Variants in KHDRBS2 observed in about 807,000 individuals in gnomAD.
KHDRBS2 encodes KH RNA binding domain containing, signal transduction associated 2, also known as KH domain-containing, RNA-binding, signal transduction-associated protein 2.
A neutral mutation model predicts 44.3 loss-of-function variants in KHDRBS2; 26 were observed. The observed-to-expected ratio is 0.59, with a 90% CI of 0.43 to 0.81. The LOEUF (loss-of-function observed/expected upper bound fraction) is 0.81. KHDRBS2 is among the 40% of genes least tolerant of loss of function. KHDRBS2 has a pLI of 0.00. For missense variants in KHDRBS2, 476 were observed against 433.1 expected (o/e 1.10, Z -0.88); for synonymous variants, 194 against 151.1 (o/e 1.28, Z -2.08).
intron 4 of KHDRBS2, among the ~76,000 whole-genome samples, chr6:61,932,498 A>T (rs1216774932): frequency 6.6e-6 from 1 of 152,104 alleles, no homozygotes; most frequent in Non-Finnish European, 1.5e-5. Flanking sequence ...TTTAGATTCC[A>T]CGTAAGAGTG....
At chr6:61,954,743 T>C (rs1407011259) in intron 4 of KHDRBS2, among the ~76,000 whole-genome samples, 1 of 111,184 alleles carries the variant, frequency 9.0e-6, no homozygotes, top group Admixed American at 9.0e-5. Flanking sequence ...TACATATGTG[T>C]ATATACACAT....
At chr6:61,924,279 C>T (rs1808567732) in intron 4 of KHDRBS2, among the ~76,000 whole-genome samples, 1 of 152,008 alleles carries the variant, frequency 6.6e-6, no homozygotes, top group Non-Finnish European at 1.5e-5. Context: ...ATGGGGCCTT[C>T]CTGCAACAGT....
intron 6 of KHDRBS2, among the ~76,000 whole-genome samples, chr6:61,810,658 A>G (rs1457244183): frequency 6.6e-6 from 1 of 152,180 alleles, no homozygotes; most frequent in East Asian, 1.9e-4. Flanking sequence ...ACTGCTTATT[A>G]CACATTTAAA....
chr6:61,673,851 A>G, the KHDRBS2 span, among the ~76,000 whole-genome samples: 2 of 146,408 alleles, frequency 1.4e-5, no homozygotes, highest in Non-Finnish European at 3.0e-5. Context: ...CATACTGCCC[A>G]AGGTAATTTA....
chr6:61,730,172 A>G (rs1309703302), intron 7 of KHDRBS2, among the ~76,000 whole-genome samples: 1 of 152,142 alleles, frequency 6.6e-6, no homozygotes, highest in African/African-American at 2.4e-5. Flanking sequence ...CAGAAACTAT[A>G]CTAGTATTGA....
intron 6 of KHDRBS2, among the ~76,000 whole-genome samples, chr6:61,741,952 G>T (rs1323158758): frequency 6.6e-6 from 1 of 151,814 alleles, no homozygotes; most frequent in Non-Finnish European, 1.5e-5. Flanking sequence ...TCTATAAAAG[G>T]TCAGCAGGCA....
chr6:61,952,610 C>T (rs370251026), intron 4 of KHDRBS2, among the ~76,000 whole-genome samples: 24 of 152,110 alleles, frequency 1.6e-4, no homozygotes, highest in African/African-American at 4.8e-4. Flanking sequence ...ATGGATTATC[C>T]TATGACTCAC....
intron 4 of KHDRBS2, among the ~76,000 whole-genome samples, chr6:61,912,244 T>A (rs1189567611): frequency 6.6e-6 from 1 of 151,960 alleles, no homozygotes; most frequent in Non-Finnish European, 1.5e-5. Context: ...AAAAAATACA[T>A]CAAAAAGATG....
At chr6:62,137,531 T>C (rs1410740438) in intron 2 of KHDRBS2, among the ~76,000 whole-genome samples, 1 of 152,214 alleles carries the variant, frequency 6.6e-6, no homozygotes, top group Non-Finnish European at 1.5e-5. Context: ...TTGCAAGATT[T>C]ACATTAAGTG....
chr6:61,762,449 C>T (rs1285178601), intron 6 of KHDRBS2, among the ~76,000 whole-genome samples: 2 of 152,140 alleles, frequency 1.3e-5, no homozygotes, highest in Non-Finnish European at 2.9e-5. Context: ...GGGCAGATTC[C>T]TCATGAATGG....
At chr6:61,688,235 G>A (rs563997519) in intron 8 of KHDRBS2, among the ~76,000 whole-genome samples, 15 of 151,724 alleles carry the variant, frequency 9.9e-5, no homozygotes, top group Non-Finnish European at 2.1e-4. Flanking sequence ...AAATAAAAAG[G>A]AGACAAAGAA....
At chr6:61,700,653 GATGT>G (rs1768507010) in intron 7 of KHDRBS2, among the ~76,000 whole-genome samples, 1 of 151,484 alleles carries the variant, frequency 6.6e-6, no homozygotes, top group South Asian at 2.1e-4. Context: ...GGACACATGG[GATGT>G]GTGCAGAGAT....
At chr6:61,664,155 A>G in the KHDRBS2 span, among the ~76,000 whole-genome samples, 1 of 151,802 alleles carries the variant, frequency 6.6e-6, no homozygotes, top group East Asian at 2.0e-4. Context: ...CTTTTCTTAT[A>G]TAAAAGCTAG....
At chr6:61,862,242 C>G (rs1161583676) in intron 6 of KHDRBS2, among the ~76,000 whole-genome samples, 1 of 151,786 alleles carries the variant, frequency 6.6e-6, no homozygotes, top group Non-Finnish European at 1.5e-5. Flanking sequence ...TCGACTTCCT[C>G]TAATCTTATT....
chr6:61,864,955 G>A (rs1797564227), intron 6 of KHDRBS2, among the ~76,000 whole-genome samples: 1 of 152,118 alleles, frequency 6.6e-6, no homozygotes, highest in African/African-American at 2.4e-5. Flanking sequence ...TTATTTCTAA[G>A]AGGTTTTGTT....
At chr6:62,194,392 G>T (rs1825212560) in intron 1 of KHDRBS2, among the ~76,000 whole-genome samples, 2 of 149,454 alleles carry the variant, frequency 1.3e-5, no homozygotes, top group Non-Finnish European at 3.0e-5. Flanking sequence ...ATGTGTGAGG[G>T]TCTATTTCTG....
chr6:62,024,697 TG>T (rs573776713), intron 3 of KHDRBS2, among the ~76,000 whole-genome samples: 214 of 151,776 alleles, frequency 1.4e-3, no homozygotes, highest in African/African-American at 4.8e-3. Context: ...TGTCTTGAAT[TG>T]TTTGTCAAGG....
At chr6:62,161,574 G>GGGGGGGC (rs1817646589) in intron 2 of KHDRBS2, among the ~76,000 whole-genome samples, 1 of 6,098 alleles carries the variant, frequency 1.6e-4, no homozygotes, top group African/African-American at 3.2e-4. Context: ...TGGTATTTGC[G>GGGGGGGC]GGGGGGGGGG....
intron 7 of KHDRBS2, among the ~76,000 whole-genome samples, chr6:61,722,637 GA>G (rs1286709365): frequency 6.6e-6 from 1 of 151,796 alleles, no homozygotes. Flanking sequence ...CATTTCTTCT[GA>G]TTTAGACTGT....
Sources: allele counts gnomAD v4.1 joint callset (sites outside exome capture counted in the v4.1 genomes callset), GRCh38; gene constraint gnomAD v4.1.1; transcripts MANE v1.5; gene names NCBI Gene and HGNC (gene_info 2026-07-23, HGNC 2026-07-21).